The following KCNJ6 variants were observed in gnomAD, a reference collection of about 807,000 sequenced individuals.
KCNJ6 encodes potassium inwardly rectifying channel subfamily J member 6.
Under a neutral mutation model 34.2 loss-of-function variants are expected in KCNJ6, and 9 were observed. The ratio of observed to expected loss-of-function variants is 0.26; its 90% confidence interval spans 0.16 to 0.46. The LOEUF is 0.46. KCNJ6 is among the 20% of genes least tolerant of loss of function. KCNJ6 has a pLI of 1.00. For synonymous variants in KCNJ6, 196 were observed against 207.1 expected (o/e 0.95, Z 0.46); for missense variants, 236 against 531.3 (o/e 0.44, Z 5.46).
At chr21:37,707,287 G>A (rs557224159) in intron 3 of KCNJ6, among the ~76,000 whole-genome samples, 18 of 152,324 alleles carry the variant, frequency 1.2e-4, no homozygotes, top group Admixed American at 1.0e-3. Context: ...GAAGATGCTC[G>A]CTGGGACTGG....
At chr21:37,706,418 G>A (rs1286019844) in intron 3 of KCNJ6, among the ~76,000 whole-genome samples, 1 of 152,202 alleles carries the variant, frequency 6.6e-6, no homozygotes, top group Non-Finnish European at 1.5e-5. Context: ...ATTAGGCACT[G>A]CCATATGACT....
At chr21:37,907,911 G>A (rs2055849457) in intron 1 of KCNJ6, among the ~76,000 whole-genome samples, 1 of 152,168 alleles carries the variant, frequency 6.6e-6, no homozygotes, top group Admixed American at 6.5e-5. Flanking sequence ...ATGATTGAAT[G>A]TGGCAGTGAA....
At chr21:37,802,988 T>C (rs1488705197) in intron 2 of KCNJ6, among the ~76,000 whole-genome samples, 1 of 152,182 alleles carries the variant, frequency 6.6e-6, no homozygotes. Flanking sequence ...CCTGACCTGT[T>C]TTACCCACCA....
At chr21:37,676,028 G>A (rs1201234025) in intron 3 of KCNJ6, among the ~76,000 whole-genome samples, 2 of 152,244 alleles carry the variant, frequency 1.3e-5, no homozygotes, top group Non-Finnish European at 2.9e-5. Flanking sequence ...TCCTGAATCT[G>A]AGCCTGCATT....
At chr21:37,631,210 A>G (rs1033743239) in intron 3 of KCNJ6, among the ~76,000 whole-genome samples, 45 of 152,192 alleles carry the variant, frequency 3.0e-4, no homozygotes, top group African/African-American at 1.0e-3. Context: ...AAAAGAGTAG[A>G]CTTAGAGAAC....
At chr21:37,894,102 CA>C (rs1162376506) in intron 1 of KCNJ6, among the ~76,000 whole-genome samples, 2 of 152,170 alleles carry the variant, frequency 1.3e-5, no homozygotes, top group Non-Finnish European at 2.9e-5. Flanking sequence ...ACAAACATAT[CA>C]GGGGATGGTC....
chr21:37,611,795 C>G lies in KCNJ6; in HGVS notation c.*13364G>C, dbSNP rs539781800. The G allele has an allele frequency of 2.0e-5, 3 of 152,022 alleles. No homozygotes were observed. 9.4% of individuals were successfully genotyped at this position (152,022 alleles called of 1,614,324 possible). A position where few individuals can be genotyped will look rare whatever the true frequency, so the allele number is the denominator to read the frequency against. On this transcript the variant is annotated 3_prime_UTR_variant, in exon 4 of 4. Transcript: ENST00000609713. ...AACAGTCTTTCATGATAAAAACACTCAGTAAAGCAGGAATAGAGGAGAAGC... is the reference window on the plus strand; with the variant it reads ...AACAGTCTTTCATGATAAAAACACTGAGTAAAGCAGGAATAGAGGAGAAGC...
intron 2 of KCNJ6, among the ~76,000 whole-genome samples, chr21:37,786,250 A>G (rs151299879): frequency 6.6e-6 from 1 of 152,238 alleles, no homozygotes; most frequent in Non-Finnish European, 1.5e-5. Context: ...TAAACTAGAA[A>G]TATGAGCTTC....
At chr21:37,626,469 G>T (rs554320320) in intron 3 of KCNJ6, among the ~76,000 whole-genome samples, 32 of 152,152 alleles carry the variant, frequency 2.1e-4, no homozygotes, top group African/African-American at 7.7e-4. Context: ...AAGCCTTTTT[G>T]TAATTTGCAT....
intron 3 of KCNJ6, among the ~76,000 whole-genome samples, chr21:37,638,336 G>T (rs2123374521): frequency 6.6e-6 from 1 of 152,054 alleles, no homozygotes; most frequent in South Asian, 2.1e-4. Flanking sequence ...TGGTAGAGAT[G>T]GGGTTTCACC....
At chr21:37,797,389 A>C (rs558219880) in intron 2 of KCNJ6, among the ~76,000 whole-genome samples, 18 of 152,326 alleles carry the variant, frequency 1.2e-4, no homozygotes, top group African/African-American at 3.8e-4. Context: ...ACAAGGATTT[A>C]GTGTGAGTTA....
chr21:37,859,487 T>TTATATATAAATATA (rs2055582285), intron 1 of KCNJ6, among the ~76,000 whole-genome samples: 1 of 84,298 alleles, frequency 1.2e-5, no homozygotes, highest in Non-Finnish European at 2.3e-5. Context: ...TTATATTACT[T>TTATATATAAATATA]TATATATATA....
At chr21:37,712,030 CA>C (rs1443558810) in intron 3 of KCNJ6, among the ~76,000 whole-genome samples, 2 of 152,186 alleles carry the variant, frequency 1.3e-5, no homozygotes, top group Non-Finnish European at 2.9e-5. Flanking sequence ...CAGCTGTCAT[CA>C]GAAAGCCAGG....
intron 2 of KCNJ6, among the ~76,000 whole-genome samples, chr21:37,824,409 A>T (rs1421493158): frequency 1.0e-5 from 1 of 95,462 alleles, no homozygotes; most frequent in Admixed American, 1.2e-4. Flanking sequence ...TGGATGGCTT[A>T]AAACGATATA....
At chr21:37,630,675 AT>A (rs1378933761) in intron 3 of KCNJ6, among the ~76,000 whole-genome samples, 1 of 152,204 alleles carries the variant, frequency 6.6e-6, no homozygotes, top group African/African-American at 2.4e-5. Flanking sequence ...AGTAAAAATT[AT>A]ACATATTGAT....
chr21:37,857,845 T>C (rs975715793), intron 1 of KCNJ6, among the ~76,000 whole-genome samples: 1 of 152,082 alleles, frequency 6.6e-6, no homozygotes, highest in South Asian at 2.1e-4. Flanking sequence ...ATAGAAATAG[T>C]ACAGTGAATA....
intron 2 of KCNJ6, among the ~76,000 whole-genome samples, chr21:37,774,274 C>A (rs534514390): frequency 6.6e-6 from 1 of 152,240 alleles, no homozygotes; most frequent in Admixed American, 6.5e-5. Flanking sequence ...TGTTTGAGTG[C>A]TGAATAATTG....
At chr21:37,677,320 G>A (rs753994170) in intron 3 of KCNJ6, among the ~76,000 whole-genome samples, 4 of 152,188 alleles carry the variant, frequency 2.6e-5, no homozygotes, top group Non-Finnish European at 5.9e-5. Flanking sequence ...TGCCACATAT[G>A]TGCAGCTCCC....
At chr21:37,810,389 CA>C (rs1159192137) in intron 2 of KCNJ6, among the ~76,000 whole-genome samples, 1 of 152,172 alleles carries the variant, frequency 6.6e-6, no homozygotes, top group Admixed American at 6.5e-5. Flanking sequence ...TGGTCAATTA[CA>C]GCTTTAGGAG....
Sources: gnomAD v4.1 joint callset for allele counts (sites outside exome capture counted in the v4.1 genomes callset) on GRCh38, gnomAD v4.1.1 for gene constraint, MANE v1.5 for transcripts, NCBI Gene and HGNC (gene_info 2026-07-23, HGNC 2026-07-21) for gene names.